ADGRG4: variants seen among roughly 807,000 people sequenced by gnomAD.
The protein encoded by ADGRG4 is G protein-coupled receptor 112.
Under a neutral mutation model 126.2 loss-of-function variants are expected in ADGRG4, and 122 were observed. The ratio of observed to expected loss-of-function variants is 0.97; its 90% CI spans 0.83 to 1.12. The LOEUF (loss-of-function observed/expected upper bound fraction) is 1.12, where lower values mean the gene tolerates loss of function less well. ADGRG4 is among the 50% of genes most tolerant of loss of function. The pLI is 0.00. For synonymous variants in ADGRG4, 943 were observed against 838.7 expected (o/e 1.12, Z -2.15); for missense variants, 2,481 against 2,251.8 (o/e 1.10, Z -2.06).
At position 136,306,134 on chromosome X, in the gene ADGRG4, TGGGA is replaced by T. The variant is rs2074731813; in HGVS notation, c.-10+1112_-10+1115del. On this transcript the variant is annotated intron_variant, in intron 3 of 25. Transcript: ENST00000394143. ...GAGACAAGATCTGGTCATTTGAGGG[TGGGA>T]AGTTAAAAGAGTCCAGTTCTCAGGT... The T allele has an allele frequency of 1.8e-5, 2 of 111,609 alleles. 1 individual carries two copies. The highest frequency in any genetic ancestry group is 6.5e-5 in the African/African-American group (2 of 30,696). 9.2% of individuals were successfully genotyped at this position (111,609 alleles called of 1,213,427 possible). A position where few individuals can be genotyped will look rare whatever the true frequency, so the allele number is the denominator to read the frequency against.
Position 136,347,850 on chromosome X carries a change from A to G in ADGRG4, c.4144A>G (p.Ser1382Gly), listed in dbSNP as rs2075029539. The G allele has an allele frequency of 1.7e-6, 2 of 1,209,618 alleles. No individual in the cohort carries two copies. The highest frequency in any genetic ancestry group is 1.1e-6 in the Non-Finnish European group (1 of 893,581). Residue 1382 changes from serine (S) to glycine (G), a missense_variant, in exon 6 of 26, where the codon AGC becomes GGC. Ser to Gly is a moderately conservative substitution (Grantham distance 56). Transcript: ENST00000394143. Reference protein sequence around the residue: ...ITTFLCPEKESTSALPAYTPR... With the variant: ...ITTFLCPEKEGTSALPAYTPR... ...CACTTTTTTGTGTCCTGAAAAGGAAAGCACGAGTGCCCTTCCAGCATATAC... is the reference window on the plus strand; with the variant it reads ...CACTTTTTTGTGTCCTGAAAAGGAAGGCACGAGTGCCCTTCCAGCATATAC...
chrX:136,370,749 T>C (rs767400058), intron 13 of ADGRG4, among the ~76,000 whole-genome samples: 1 of 112,199 alleles, frequency 8.9e-6, no homozygotes, highest in East Asian at 2.8e-4. Context: ...AGATTCATTA[T>C]ACAATTCTTT....
chrX:136,315,746 C>A (rs768267156), intron 4 of ADGRG4, among the ~76,000 whole-genome samples: 2 of 111,876 alleles, frequency 1.8e-5, no homozygotes, highest in Non-Finnish European at 3.8e-5. Context: ...TAAAGTCATA[C>A]TGCAGTAGGG....
intron 15 of ADGRG4, among the ~76,000 whole-genome samples, chrX:136,378,738 A>T (rs2075242782): frequency 8.9e-6 from 1 of 111,745 alleles, no homozygotes; most frequent in South Asian, 3.7e-4. Flanking sequence ...CTTTTTCTGT[A>T]TCTCTCGAAG....
intron 4 of ADGRG4, among the ~76,000 whole-genome samples, chrX:136,315,266 A>G (rs1363045336): frequency 9.1e-6 from 1 of 110,090 alleles, no homozygotes; most frequent in East Asian, 2.9e-4. Context: ...TCAGGTACCT[A>G]TTGATTATAT....
chrX:136,402,263 T>A (rs1421120819), intron 21 of ADGRG4, among the ~76,000 whole-genome samples: 3 of 112,392 alleles, frequency 2.7e-5, no homozygotes, highest in Non-Finnish European at 3.8e-5. Context: ...TTTATATTTT[T>A]AAAATAACAA....
intron 4 of ADGRG4, among the ~76,000 whole-genome samples, chrX:136,312,809 G>A (rs377765495): frequency 4.0e-4 from 44 of 110,573 alleles, no homozygotes; most frequent in African/African-American, 1.2e-3. Context: ...CATACTCTCC[G>A]TTCCTCCCCC....
chrX:136,352,132 T>C (rs1287949106), intron 7 of ADGRG4, among the ~76,000 whole-genome samples: 1 of 111,804 alleles, frequency 8.9e-6, no homozygotes, highest in African/African-American at 3.2e-5. Flanking sequence ...CTGTGCATAT[T>C]ATAACATTGA....
chrX:136,411,397 G>A (rs1393923332), intron 23 of ADGRG4, among the ~76,000 whole-genome samples: 1 of 112,505 alleles, frequency 8.9e-6, no homozygotes, highest in East Asian at 2.8e-4. Flanking sequence ...ATATTTTAGA[G>A]GGTGGGAATG....
intron 24 of ADGRG4, among the ~76,000 whole-genome samples, chrX:136,413,127 G>A (rs1414909287): frequency 1.9e-5 from 2 of 107,180 alleles, no homozygotes; most frequent in Admixed American, 1.0e-4. Context: ...TAGGGTACAT[G>A]TGCACATTGT....
At chrX:136,365,454 T>C (rs188312053) in intron 13 of ADGRG4, among the ~76,000 whole-genome samples, 2 of 112,176 alleles carry the variant, frequency 1.8e-5, no homozygotes, top group African/African-American at 6.5e-5. Context: ...ATATACCACA[T>C]TTTGCTTATT....
intron 24 of ADGRG4, 70 bp from the exon 25 acceptor site, chrX:136,414,090 T>A (rs899722396): frequency 2.2e-6 from 2 of 905,976 alleles, no homozygotes; most frequent in Non-Finnish European, 3.1e-6. Flanking sequence ...TTATATACCA[T>A]ACAATTCACT....
At chrX:136,376,625 T>G (rs201597015) in intron 15 of ADGRG4, among the ~76,000 whole-genome samples, 3 of 94,489 alleles carry the variant, frequency 3.2e-5, no homozygotes, top group Admixed American at 2.3e-4. Context: ...AGTATATTCC[T>G]GGGTATTGTA....
intron 3 of ADGRG4, among the ~76,000 whole-genome samples, chrX:136,308,521 A>G (rs745653401): frequency 8.9e-6 from 1 of 112,142 alleles, no homozygotes; most frequent in African/African-American, 3.2e-5. Context: ...AGGGAGCAAC[A>G]CAGTGTCCAG....
At chrX:136,339,267 G>A (rs979732830) in intron 5 of ADGRG4, among the ~76,000 whole-genome samples, 1 of 111,606 alleles carries the variant, frequency 9.0e-6, no homozygotes, top group Admixed American at 9.5e-5. Flanking sequence ...CCTGGATCAG[G>A]CCACTTGCTA....
chrX:136,328,180 G>T (rs2074886415), intron 5 of ADGRG4, among the ~76,000 whole-genome samples: 2 of 110,896 alleles, frequency 1.8e-5, no homozygotes, highest in Non-Finnish European at 1.9e-5. Flanking sequence ...TCTTTTGGGG[G>T]GAGGCTGCTG....
Position 136,346,481 on chromosome X carries a change from T to G in ADGRG4, c.2775T>G (p.Asn925Lys). 1.7e-6 allele frequency: 2 copies of G among 1,210,792 alleles called. No individual in the cohort carries two copies. The highest frequency in any genetic ancestry group is 2.2e-6 in the Non-Finnish European group (2 of 894,702). The change falls in exon 6 of 26, where the codon AAT becomes AAG. Residue 925 changes from asparagine (N) to lysine (K), a missense_variant. By Grantham distance (94) the Asn-to-Lys change is moderately conservative. Transcript: ENST00000394143. Reference sequence around the variant, plus strand: ...AAACCACACCTAGGAGTTCATACAATGAAATGACAGAAATGTTTAATTTTA... The same window carrying G: ...AAACCACACCTAGGAGTTCATACAAGGAAATGACAGAAATGTTTAATTTTA... ...LVKTTPRSSY[N>K]EMTEMFNFNH...
chrX:136,309,122 C>T (rs1159347706), intron 4 of ADGRG4, among the ~76,000 whole-genome samples: 3 of 112,540 alleles, frequency 2.7e-5, no homozygotes, highest in Non-Finnish European at 3.8e-5. Context: ...TGCCATTTGG[C>T]GGCTAATGCA....
intron 5 of ADGRG4, among the ~76,000 whole-genome samples, chrX:136,326,745 G>A (rs1176073000): frequency 9.0e-6 from 1 of 111,260 alleles, no homozygotes; most frequent in Non-Finnish European, 1.9e-5. Flanking sequence ...ATAAATATGA[G>A]TGATTACAAC....
Sources: allele counts gnomAD v4.1 joint callset (sites outside exome capture counted in the v4.1 genomes callset), GRCh38; gene constraint gnomAD v4.1.1; transcripts MANE v1.5; gene names NCBI Gene and HGNC (gene_info 2026-07-23, HGNC 2026-07-21).